Variants in ZMIZ1 observed in about 807,000 individuals in gnomAD.
ZMIZ1 encodes the protein zinc finger MIZ domain-containing protein 1.
In ZMIZ1, 17 loss-of-function variants were observed where a neutral mutation model predicts 113.9. The observed-to-expected ratio is 0.15, with a 90% CI of 0.10 to 0.22. The LOEUF is 0.22. Among genes scored for constraint, ZMIZ1 ranks in the 10% least tolerant of loss-of-function variants. ZMIZ1 has a pLI of 1.00. For missense variants in ZMIZ1, 1,059 were observed against 1,477.8 expected, an observed-to-expected ratio of 0.72 and a Z score of 4.65; for synonymous variants, 607 against 603.1, an observed-to-expected ratio of 1.01 and a Z score of -0.09.
At chr10:79,311,297 G>C in intron 24 of ZMIZ1, 113 bp downstream of exon 24, 1 of 1,321,352 alleles carries the variant, frequency 7.6e-7, no homozygotes, top group South Asian at 1.5e-5. Flanking sequence ...AGGTGGGTGG[G>C]CGGTGGGAGG....
chr10:79,074,989 G>T (rs1842420467), intron 1 of ZMIZ1, among the ~76,000 whole-genome samples: 1 of 152,250 alleles, frequency 6.6e-6, no homozygotes, highest in African/African-American at 2.4e-5. Flanking sequence ...AGATTTCTTA[G>T]ATTTCAATGC....
At chr10:79,215,997 T>A (rs1848712149) in intron 6 of ZMIZ1, among the ~76,000 whole-genome samples, 172 bp from the exon 7 acceptor site, 2 of 151,952 alleles carry the variant, frequency 1.3e-5, no homozygotes, top group South Asian at 4.1e-4. Context: ...ACGGAAGAGG[T>A]GTTCATCAGT....
chr10:79,256,727 G>A (rs945110158), intron 7 of ZMIZ1, among the ~76,000 whole-genome samples: 1 of 152,202 alleles, frequency 6.6e-6, no homozygotes, highest in Non-Finnish European at 1.5e-5. Flanking sequence ...TCTCTCCAGG[G>A]TCAGGCTGCT....
rs1294281323 is a variant in ZMIZ1 at position 79,312,783 on chromosome 10, T to G, written c.*34T>G. The G allele has an allele frequency of 6.3e-7, 1 of 1,595,306 alleles. No homozygotes were observed. The highest frequency in any genetic ancestry group is 1.7e-5 in the Admixed American group (1 of 59,982). ...CGGTCGGGGCCATCCCTCCACACTC[T>G]GCATCCTACCCCACCTACCCAACAC... On this transcript the variant is annotated 3_prime_UTR_variant, in exon 25 of 25. Coordinates refer to ENST00000334512, the MANE Select transcript of ZMIZ1 (RefSeq NM_020338.4).
chr10:79,281,908 C>A, intron 8 of ZMIZ1, among the ~76,000 whole-genome samples: 1 of 152,322 alleles, frequency 6.6e-6, no homozygotes, highest in East Asian at 1.9e-4. Context: ...TCAGGGTCAA[C>A]GAGGTGGTAT....
intron 23 of ZMIZ1, 122 bp from the exon 24 acceptor site, chr10:79,310,802 C>T (rs571036953): frequency 3.4e-5 from 38 of 1,119,080 alleles, no homozygotes; most frequent in African/African-American, 7.9e-5. Flanking sequence ...AGCCTCGTAC[C>T]GGGTGGCCAC....
At chr10:79,142,406 C>T (rs957541222) in intron 3 of ZMIZ1, among the ~76,000 whole-genome samples, 3 of 151,958 alleles carry the variant, frequency 2.0e-5, no homozygotes, top group African/African-American at 7.3e-5. Flanking sequence ...GGCACCCAGC[C>T]GTTTAGGGGA....
rs1268325000 is a variant in ZMIZ1 at position 79,306,100 on chromosome 10, C to T, written c.2424C>T (p.His808=). The T allele has an allele frequency of 2.5e-6, 4 of 1,610,230 alleles. No homozygotes were observed. The highest frequency in any genetic ancestry group is 2.7e-5 in the African/African-American group (2 of 74,884). Residue 808 remains histidine, a splice_region_variant and synonymous_variant, in exon 22 of 25, where the codon CAC becomes CAT. Transcript: ENST00000334512. ...YMWGILNAIQ[H]SEFEEVTIDP... is the part of the protein sequence containing the mutation. ...AGCTCTGCCACCCTTCCTCCCCCAG[C>T]TCCGAGTTTGAAGAGGTCACCATCG...
At chr10:79,249,664 C>A (rs1850423911) in intron 7 of ZMIZ1, among the ~76,000 whole-genome samples, 1 of 152,200 alleles carries the variant, frequency 6.6e-6, no homozygotes, top group African/African-American at 2.4e-5. Context: ...AGTCACATTT[C>A]ACGGGCTAGT....
At chr10:79,188,312 T>C (rs925783666) in intron 4 of ZMIZ1, among the ~76,000 whole-genome samples, 3 of 152,232 alleles carry the variant, frequency 2.0e-5, no homozygotes, top group Admixed American at 2.0e-4. Context: ...GGGAGGGTCA[T>C]CTCCGCCTCA....
At chr10:79,133,947 A>G (rs1050417380) in intron 2 of ZMIZ1, among the ~76,000 whole-genome samples, 5 of 152,236 alleles carry the variant, frequency 3.3e-5, no homozygotes, top group African/African-American at 9.6e-5. Flanking sequence ...AAAAAGAGAG[A>G]AACTCCTAAC....
intron 4 of ZMIZ1, among the ~76,000 whole-genome samples, chr10:79,167,763 G>A (rs779662380): frequency 6.6e-6 from 1 of 152,160 alleles, no homozygotes; most frequent in South Asian, 2.1e-4. Context: ...CTGACAGTGC[G>A]CATACACCCT....
intron 7 of ZMIZ1, among the ~76,000 whole-genome samples, chr10:79,270,506 C>T (rs145423878): frequency 1.3e-5 from 2 of 152,324 alleles, no homozygotes; most frequent in Non-Finnish European, 2.9e-5. Context: ...CACTATTTCA[C>T]ATGCCACTAA....
intron 4 of ZMIZ1, among the ~76,000 whole-genome samples, chr10:79,165,087 G>A (rs536909985): frequency 6.6e-6 from 1 of 152,268 alleles, no homozygotes; most frequent in East Asian, 1.9e-4. Context: ...GGGGTGGGGA[G>A]GTACAGAAAG....
At chr10:79,293,235 G>A in intron 11 of ZMIZ1, 146 bp from the exon 12 acceptor site, 1 of 1,154,558 alleles carries the variant, frequency 8.7e-7, no homozygotes, top group African/African-American at 1.5e-5. Flanking sequence ...CTGGGGCCTG[G>A]TTGGTCACCA....
At chr10:79,184,854 C>T (rs1253134577) in intron 4 of ZMIZ1, among the ~76,000 whole-genome samples, 4 of 152,178 alleles carry the variant, frequency 2.6e-5, no homozygotes, top group East Asian at 1.9e-4. Context: ...TGCCCGTCCC[C>T]GAGTCTTTAC....
chr10:79,117,356 G>C (rs1363824921), intron 1 of ZMIZ1, among the ~76,000 whole-genome samples: 1 of 152,184 alleles, frequency 6.6e-6, no homozygotes, highest in South Asian at 2.1e-4. Context: ...TGCCCTTCTT[G>C]ACCTTTATAT....
intron 8 of ZMIZ1, among the ~76,000 whole-genome samples, chr10:79,283,107 T>C (rs141661892): frequency 6.6e-6 from 1 of 152,392 alleles, no homozygotes; most frequent in African/African-American, 2.4e-5. Flanking sequence ...GTTTATGCTG[T>C]TAATTTGATT....
At position 79,306,301 on chromosome 10, in the gene ZMIZ1, G is replaced by A. The variant is rs760082641; in HGVS notation, c.2625G>A (p.Pro875=). Residue 875 remains proline (P), a synonymous_variant, in exon 22 of 25, where the codon CCG becomes CCA. Transcript: ENST00000334512. ...LGPGPSPYPL[P]PPPGGTNSND... ...CCGGCCCGTCCCCCTATCCCCTCCCGCCTCCCCCAGGGGGCACCAACTCCA... is the reference window on the plus strand; with the variant it reads ...CCGGCCCGTCCCCCTATCCCCTCCCACCTCCCCCAGGGGGCACCAACTCCA... 1.1e-5 allele frequency: 18 copies of A among 1,612,124 alleles called. No homozygotes were observed. Among genetic ancestry groups the A allele is most frequent in the East Asian group, 2.2e-5 (1 of 44,838 alleles).
Sources: allele counts gnomAD v4.1 joint callset (sites outside exome capture counted in the v4.1 genomes callset), GRCh38; gene constraint gnomAD v4.1.1; transcripts MANE v1.5; gene names NCBI Gene and HGNC (gene_info 2026-07-23, HGNC 2026-07-21).